POLA1: variants seen among roughly 807,000 people sequenced by gnomAD.
The protein encoded by POLA1 is DNA polymerase alpha catalytic subunit.
In POLA1, 15 loss-of-function variants were observed where a neutral mutation model predicts 124.0. That is an observed-to-expected ratio of 0.12 (90% CI 0.08 to 0.19). POLA1 has a LOEUF of 0.19. Among genes scored for constraint, POLA1 ranks in the 10% least tolerant of loss-of-function variants. The probability of loss-of-function intolerance (pLI) is 1.00; values close to 1 mark genes in which losing one functional copy is unlikely to be tolerated. For synonymous variants in POLA1, 408 were observed against 389.4 expected, an observed-to-expected ratio of 1.05 and a Z score of -0.56; for missense variants, 886 against 1,103.4, an observed-to-expected ratio of 0.80 and a Z score of 2.79.
At position 24,989,652 on chromosome X, in the gene POLA1, C is replaced by T. The variant is rs774471861; in HGVS notation, c.4262-6153C>T. Among the ~76,000 whole-genome samples, 3 of 110,614 alleles carry T rather than the reference C, an allele frequency of 2.7e-5. No homozygotes were observed. The East Asian group carries it at 8.6e-4, about 32-fold the overall frequency. ...GTGTATTAAAAAGTAGTGCTTACAT[C>T]AAATTTCACTGTAGTCACTATCCCA... On this transcript the variant is annotated intron_variant, in intron 36 of 36. Transcript: ENST00000379068.
rs952721913 is a variant in POLA1, at chrX:24,815,044, G to A, written c.3362G>A (p.Arg1121Lys). The change falls in exon 30 of 37, where the codon AGG (arginine) becomes AAG (lysine). Residue 1121 changes from arginine to lysine, a missense_variant. Physicochemically the swap from Arg to Lys is conservative, Grantham distance 26. Transcript: ENST00000379068. ...RDTIVENIQK[R>K]LIEIGENVLN... is the part of the protein sequence containing the mutation. ...ACTATAGTGGAAAACATTCAGAAGA[G>A]GCTGATAGAAATTGGAGAAAATGTG... 1.7e-6 allele frequency: 2 copies of A among 1,196,991 alleles called. No individual in the cohort carries two copies. The highest frequency in any genetic ancestry group is 2.3e-6 in the Non-Finnish European group (2 of 887,541).
chrX:24,754,910 C>T (rs1003289355), intron 26 of POLA1, among the ~76,000 whole-genome samples: 2 of 112,501 alleles, frequency 1.8e-5, no homozygotes, highest in Admixed American at 9.4e-5. Flanking sequence ...TATAATATTT[C>T]GATGAATATA....
chrX:24,709,306 T>C (rs1929132814), intron 4 of POLA1, among the ~76,000 whole-genome samples: 1 of 72,715 alleles, frequency 1.4e-5, no homozygotes, highest in African/African-American at 5.6e-5. Flanking sequence ...CCCCCCCACC[T>C]CCCTCCCGGA....
chrX:24,970,734 G>A (rs932822456), intron 36 of POLA1, among the ~76,000 whole-genome samples: 20 of 112,098 alleles, frequency 1.8e-4, no homozygotes, highest in African/African-American at 6.2e-4. Flanking sequence ...TTTAAATATT[G>A]GTGTGTTTTT....
chrX:24,929,012 G>A (rs913602283), intron 35 of POLA1, among the ~76,000 whole-genome samples: 1 of 111,793 alleles, frequency 8.9e-6, no homozygotes, highest in Non-Finnish European at 1.9e-5. Flanking sequence ...AATATTTATA[G>A]ATACCATTTG....
rs1342098113 is a variant in POLA1, at chrX:24,709,059, C to G, written c.346+4590C>G. Among the ~76,000 whole-genome samples the G allele has an allele frequency of 8.6e-3, 559 of 64,891 alleles. 11 individuals carry two copies. Among genetic ancestry groups the G allele is most frequent in the East Asian group, 0.056 (81 of 1,458 alleles). The allele number at this position is 64,891 out of a possible 115,157, so 56.4% of individuals were successfully genotyped here. ...CTCCCAGACGGGGCGGCTGGCCGGGCGGGGGGCTGACACCCCCACCTCCCT... is the reference window on the plus strand; with the variant it reads ...CTCCCAGACGGGGCGGCTGGCCGGGGGGGGGGCTGACACCCCCACCTCCCT... On this transcript the variant is annotated intron_variant, in intron 4 of 36. Transcript: ENST00000379068.
At chrX:24,773,982 A>G (rs1337392084) in intron 26 of POLA1, among the ~76,000 whole-genome samples, 4 of 111,710 alleles carry the variant, frequency 3.6e-5, no homozygotes, top group African/African-American at 1.3e-4. Context: ...CCTTTCAGGT[A>G]GTGGAAGAAT....
intron 26 of POLA1, among the ~76,000 whole-genome samples, chrX:24,804,731 A>C: frequency 9.0e-6 from 1 of 111,548 alleles, no homozygotes; most frequent in South Asian, 3.8e-4. Context: ...TTTTCTCTCT[A>C]TTGTTTAGTA....
At chrX:24,815,186 C>T in intron 30 of POLA1, 75 bp downstream of exon 30, 1 of 916,792 alleles carries the variant, frequency 1.1e-6, no homozygotes, top group Non-Finnish European at 1.5e-6. Flanking sequence ...TGAAGAACCA[C>T]CTCATCCTTG....
chrX:24,716,229 G>A (rs1171066897), intron 6 of POLA1, 133 bp from the exon 7 acceptor site: 1 of 402,549 alleles, frequency 2.5e-6, no homozygotes, highest in Non-Finnish European at 4.4e-6. Flanking sequence ...ACATGACATC[G>A]ATGGGAGGGG....
At chrX:24,876,305 G>C (rs1178071869) in intron 34 of POLA1, among the ~76,000 whole-genome samples, 1 of 111,841 alleles carries the variant, frequency 8.9e-6, no homozygotes, top group African/African-American at 3.2e-5. Context: ...TTTATTGTTA[G>C]CATTATTTTC....
intron 32 of POLA1, among the ~76,000 whole-genome samples, chrX:24,828,611 C>T (rs1043398274): frequency 2.8e-5 from 3 of 108,561 alleles, no homozygotes; most frequent in Non-Finnish European, 5.8e-5. Flanking sequence ...AGTAGATCTC[C>T]GAGTTTTTCC....
At chrX:24,794,265 C>T (rs1250471328) in intron 26 of POLA1, among the ~76,000 whole-genome samples, 1 of 112,158 alleles carries the variant, frequency 8.9e-6, no homozygotes, top group Non-Finnish European at 1.9e-5. Context: ...AGGCGTGAAC[C>T]ATCACACCCG....
At chrX:24,849,984 G>A (rs965582915) in intron 34 of POLA1, among the ~76,000 whole-genome samples, 4 of 110,972 alleles carry the variant, frequency 3.6e-5, no homozygotes, top group Non-Finnish European at 7.6e-5. Flanking sequence ...TGTTGCCCAG[G>A]CTGGTCTTGA....
chrX:24,908,239 C>T (rs1030426606), intron 35 of POLA1, among the ~76,000 whole-genome samples: 1 of 110,058 alleles, frequency 9.1e-6, no homozygotes, highest in African/African-American at 3.3e-5. Context: ...ATTTTACTTT[C>T]GTGTAATTTC....
chrX:24,852,760 C>A (rs1158934671), intron 34 of POLA1, among the ~76,000 whole-genome samples: 3 of 111,591 alleles, frequency 2.7e-5, no homozygotes, highest in South Asian at 3.8e-4. Flanking sequence ...GGTCCATCAC[C>A]CAGCTTGTTT....
chrX:24,859,121 G>C, intron 34 of POLA1, among the ~76,000 whole-genome samples: 1 of 111,004 alleles, frequency 9.0e-6, no homozygotes, highest in Non-Finnish European at 1.9e-5. Context: ...TTCAATTCCT[G>C]GTCATCTCGT....
intron 30 of POLA1, among the ~76,000 whole-genome samples, chrX:24,819,122 T>C (rs1241904528): frequency 8.9e-6 from 1 of 112,284 alleles, no homozygotes; most frequent in African/African-American, 3.2e-5. Context: ...AAAGAATATT[T>C]TACCCATGCG....
chrX:24,890,265 T>C (rs1361122601), intron 35 of POLA1, among the ~76,000 whole-genome samples: 2 of 110,351 alleles, frequency 1.8e-5, no homozygotes, highest in Non-Finnish European at 1.9e-5. Context: ...TTTTTGTATT[T>C]TTAGTAGAGA....
Sources: allele counts gnomAD v4.1 joint callset (sites outside exome capture counted in the v4.1 genomes callset), GRCh38; gene constraint gnomAD v4.1.1; transcripts MANE v1.5; gene names NCBI Gene and HGNC (gene_info 2026-07-23, HGNC 2026-07-21).